The following IBTK variants were observed in gnomAD, a reference collection of about 807,000 sequenced individuals.
The protein encoded by IBTK is BTK-binding protein.
In IBTK, 83 loss-of-function variants were observed where a neutral mutation model predicts 154.9. That is an observed-to-expected ratio of 0.54 (90% confidence interval 0.45 to 0.64). The LOEUF (loss-of-function observed/expected upper bound fraction) is 0.64. IBTK is among the 30% of genes least tolerant of loss of function. The pLI is 0.00. For missense variants in IBTK, 1,332 were observed against 1,584.6 expected (o/e 0.84, Z 2.71); for synonymous variants, 515 against 536.1 (o/e 0.96, Z 0.54).
rs918827685 is a variant in IBTK at position 82,194,324 on chromosome 6, A to C, written c.3338+155T>G. On this transcript the variant is annotated intron_variant, in intron 23 of 28. Transcript: ENST00000306270. ...GTTGGTTGGGGGGGAAGCCTATTAT[A>C]GCTGGTTAGCAATTTGTAGGTATTT... 8.5e-5 allele frequency among the ~76,000 whole-genome samples: 13 copies of C among 152,184 alleles called. No homozygotes were observed. In the South Asian group the frequency reaches 2.7e-3, roughly 32 times the overall value.
intron 8 of IBTK, among the ~76,000 whole-genome samples, chr6:82,220,952 AC>A (rs1770075495): frequency 1.3e-5 from 2 of 149,086 alleles, no homozygotes; most frequent in Non-Finnish European, 3.0e-5. Flanking sequence ...ACACACACAC[AC>A]ACACACACAC....
At chr6:82,173,065 G>T in intron 27 of IBTK, 3 of 188,850 alleles carry the variant, frequency 1.6e-5, no homozygotes, top group Admixed American at 6.9e-5. Context: ...ACAGTGGCAT[G>T]ATCGCGGCTC....
intron 23 of IBTK, 136 bp downstream of exon 23, chr6:82,194,343 G>C (rs894241637): frequency 1.4e-6 from 1 of 697,950 alleles, no homozygotes; most frequent in East Asian, 3.1e-5. Flanking sequence ...GCAATTTGTA[G>C]GTATTTAGGC....
chr6:82,201,858 G>A (rs568348327), intron 18 of IBTK, among the ~76,000 whole-genome samples: 3 of 152,138 alleles, frequency 2.0e-5, no homozygotes, highest in South Asian at 2.1e-4. Context: ...CCAAGTGGCT[G>A]AGACTACCAG....
At chr6:82,200,062 C>T in intron 21 of IBTK, 79 bp downstream of exon 21, 1 of 892,836 alleles carries the variant, frequency 1.1e-6, no homozygotes. Flanking sequence ...CTGTTTATTT[C>T]AGTAGCCCCA....
At chr6:82,178,850 G>A (rs79569460) in intron 26 of IBTK, among the ~76,000 whole-genome samples, 3,415 of 152,300 alleles carry the variant, frequency 0.022, 146 homozygotes, top group African/African-American at 0.078. Flanking sequence ...GAGGTGGAAA[G>A]AAGGAAAGTG....
intron 4 of IBTK, among the ~76,000 whole-genome samples, chr6:82,228,419 C>G (rs956247860): frequency 2.0e-5 from 3 of 152,098 alleles, no homozygotes; most frequent in Admixed American, 6.5e-5. Flanking sequence ...CCACAAATAC[C>G]TAAAAAGTTT....
rs991169753 is a variant in IBTK at position 82,205,026 on chromosome 6, A to G, written c.2510-68T>C. 5.8e-6 allele frequency: 5 copies of G among 869,476 alleles called. No individual in the cohort carries two copies. The African/African-American group carries it at 6.9e-5, about 12-fold the overall frequency. The allele number at this position is 869,476 out of a possible 1,614,324, so 53.9% of individuals were successfully genotyped here. On this transcript the variant is annotated intron_variant, in intron 16 of 28. Transcript: ENST00000306270. The stretch of plus-strand genomic sequence containing the variant: ...CATTATACCTAGAAAAAAAAATTTG[A>G]AGTAATTAGTACACTAGAAAAGAGA...
chr6:82,182,078 C>T, intron 25 of IBTK, 50 bp from the exon 26 acceptor site: 1 of 1,543,564 alleles, frequency 6.5e-7, no homozygotes, highest in East Asian at 2.3e-5. Context: ...TGTAAAAGGG[C>T]ATTGCTGGAA....
intron 26 of IBTK, among the ~76,000 whole-genome samples, chr6:82,180,386 G>A (rs566926460): frequency 9.2e-5 from 14 of 151,796 alleles, no homozygotes; most frequent in Admixed American, 1.3e-4. Context: ...CTGGGACTAC[G>A]TGCACATGCC....
At chr6:82,177,185 ATTTC>A in intron 26 of IBTK, among the ~76,000 whole-genome samples, 1 of 146,482 alleles carries the variant, frequency 6.8e-6, no homozygotes, top group East Asian at 1.9e-4. Context: ...TTGTATCGTA[ATTTC>A]TTTTTGTTTT....
At chr6:82,220,778 A>T in intron 8 of IBTK, 65 bp from the exon 9 acceptor site, 1 of 1,265,628 alleles carries the variant, frequency 7.9e-7, no homozygotes, top group Non-Finnish European at 1.1e-6. Flanking sequence ...CTAAACTTCA[A>T]AGAAGTTAGT....
chr6:82,188,889 G>GT (rs1768652910), intron 25 of IBTK: 1 of 247,136 alleles, frequency 4.0e-6, no homozygotes, highest in Admixed American at 5.4e-5. Context: ...AATTAGCCGG[G>GT]TGTGGTGGTA....
At chr6:82,246,342 A>G (rs2127832556) in intron 1 of IBTK, among the ~76,000 whole-genome samples, 1 of 148,308 alleles carries the variant, frequency 6.7e-6, no homozygotes, top group African/African-American at 2.5e-5. Context: ...ATTTTTTTGT[A>G]TTTTTGGTAG....
rs1767893522 is a variant in IBTK, at chr6:82,170,404, C to T, written c.*1021G>A. 6.6e-6 allele frequency: 1 copy of T among 152,290 alleles called. No homozygotes were observed. Among genetic ancestry groups the T allele is most frequent in the Non-Finnish European group, 1.5e-5 (1 of 68,032 alleles). The allele number at this position is 152,290 out of a possible 1,614,324, so 9.4% of individuals were successfully genotyped here. The stretch of plus-strand genomic sequence containing the variant: ...CAGGCTTACCTTCCAGAAACTAGAA[C>T]ATTAACCTTTCCAATTTATCTAGGT... On this transcript the variant is annotated 3_prime_UTR_variant, in exon 29 of 29. Coordinates refer to ENST00000306270, the MANE Select transcript of IBTK (RefSeq NM_015525.4).
Position 82,191,856 on chromosome 6 carries a change from T to C in IBTK, c.3362A>G (p.Asp1121Gly), listed in dbSNP as rs1174176203. The C allele has an allele frequency of 6.2e-7, 1 of 1,611,030 alleles. No homozygotes were observed. The highest frequency in any genetic ancestry group is 8.5e-7 in the Non-Finnish European group (1 of 1,177,630). The change falls in exon 24 of 29, where the codon GAT (aspartate) becomes GGT (glycine). Residue 1121 changes from aspartate (D) to glycine (G), a missense_variant. Transcript: ENST00000306270. The part of the protein sequence containing the change: ...SFSPVSPPVV[D>G]LRTIMEIEES... ...TTCTATTTCCATGATAGTTCTGAGA[T>C]CCACAACAGGAGGGCTGACAGGACT...
chr6:82,176,075 G>A (rs963735356), intron 26 of IBTK, among the ~76,000 whole-genome samples: 2 of 151,544 alleles, frequency 1.3e-5, no homozygotes, highest in Non-Finnish European at 2.9e-5. Context: ...CATTAATATT[G>A]TCACATTTAC....
intron 21 of IBTK, among the ~76,000 whole-genome samples, chr6:82,199,733 A>T: frequency 6.6e-6 from 1 of 152,134 alleles, no homozygotes; most frequent in South Asian, 2.1e-4. Context: ...ATAAAACACA[A>T]ATTCCTTAGT....
At chr6:82,234,737 C>T (rs1242657490) in intron 2 of IBTK, among the ~76,000 whole-genome samples, 1 of 152,172 alleles carries the variant, frequency 6.6e-6, no homozygotes, top group Non-Finnish European at 1.5e-5. Context: ...ACACATTTTT[C>T]TCTCACATAC....
Sources: gnomAD v4.1 joint callset for allele counts (sites outside exome capture counted in the v4.1 genomes callset) on GRCh38, gnomAD v4.1.1 for gene constraint, MANE v1.5 for transcripts, NCBI Gene and HGNC (gene_info 2026-07-23, HGNC 2026-07-21) for gene names.